Variants in GRIA4 observed in about 807,000 individuals in gnomAD.
GRIA4 encodes glutamate ionotropic receptor AMPA type subunit 4.
GRIA4 carries 34 observed loss-of-function variants against 104.0 expected under a neutral mutation model. The ratio of observed to expected loss-of-function variants is 0.33; its 90% confidence interval spans 0.25 to 0.44. GRIA4 has a LOEUF of 0.44. GRIA4 is among the 20% of genes least tolerant of loss of function. The pLI is 1.00. For synonymous variants in GRIA4, 386 were observed against 381.9 expected, an observed-to-expected ratio of 1.01 and a Z score of -0.13; for missense variants, 750 against 1,096.5, an observed-to-expected ratio of 0.68 and a Z score of 4.46.
chr11:105,669,407 T>C (rs1952288509), intron 3 of GRIA4, among the ~76,000 whole-genome samples: 1 of 152,058 alleles, frequency 6.6e-6, no homozygotes, highest in Non-Finnish European at 1.5e-5. Flanking sequence ...TATTATATCT[T>C]TTTGTTTAAA....
chr11:105,744,980 C>T (rs1939554976), intron 3 of GRIA4, among the ~76,000 whole-genome samples: 1 of 151,790 alleles, frequency 6.6e-6, no homozygotes, highest in Admixed American at 6.6e-5. Context: ...CAGTACATTT[C>T]AAAAAGGGAA....
chr11:105,685,949 G>A (rs1167899710), intron 3 of GRIA4, among the ~76,000 whole-genome samples: 2 of 151,768 alleles, frequency 1.3e-5, no homozygotes, highest in African/African-American at 2.4e-5. Flanking sequence ...AAAAGAATAA[G>A]GCAAGGATGC....
chr11:105,636,816 G>T (rs1379373289), intron 3 of GRIA4, among the ~76,000 whole-genome samples: 1 of 152,142 alleles, frequency 6.6e-6, no homozygotes, highest in Non-Finnish European at 1.5e-5. Flanking sequence ...AACCACAGAG[G>T]CAAAAATGCA....
At chr11:105,777,875 T>TA (rs2135760454) in intron 4 of GRIA4, among the ~76,000 whole-genome samples, 1 of 152,300 alleles carries the variant, frequency 6.6e-6, no homozygotes, top group African/African-American at 2.4e-5. Flanking sequence ...TCATAAATAG[T>TA]ATGTTCAAGA....
intron 3 of GRIA4, among the ~76,000 whole-genome samples, chr11:105,663,772 G>A (rs887696934): frequency 2.0e-5 from 3 of 151,844 alleles, no homozygotes; most frequent in Admixed American, 6.6e-5. Flanking sequence ...GGTCCATTTC[G>A]AAGATGACAC....
intron 2 of GRIA4, among the ~76,000 whole-genome samples, chr11:105,611,291 T>C (rs1950473633): frequency 6.6e-6 from 1 of 152,102 alleles, no homozygotes; most frequent in South Asian, 2.1e-4. Flanking sequence ...AGCCCACCCA[T>C]GCGTTCTCAG....
At chr11:105,866,549 GTGTATATATATATATATA>G (rs1225035412) in intron 5 of GRIA4, among the ~76,000 whole-genome samples, 13 of 78,244 alleles carry the variant, frequency 1.7e-4, no homozygotes, top group African/African-American at 3.6e-4. Flanking sequence ...GTGTGTGTGT[GTGTATATATATATATATA>G]TATATATATA....
chr11:105,774,328 T>C (rs190891974), intron 4 of GRIA4, among the ~76,000 whole-genome samples: 19 of 151,788 alleles, frequency 1.3e-4, no homozygotes, highest in Non-Finnish European at 1.8e-4. Context: ...AGATATAAAT[T>C]TATAGACTTA....
At chr11:105,659,645 C>T (rs1354396109) in intron 3 of GRIA4, among the ~76,000 whole-genome samples, 1 of 151,844 alleles carries the variant, frequency 6.6e-6, no homozygotes, top group Non-Finnish European at 1.5e-5. Context: ...TTTACTTGCA[C>T]CCAAAAGCTC....
At chr11:105,655,020 G>A (rs1158367050) in intron 3 of GRIA4, among the ~76,000 whole-genome samples, 2 of 152,090 alleles carry the variant, frequency 1.3e-5, no homozygotes, top group Non-Finnish European at 1.5e-5. Context: ...GTTTGAGCAT[G>A]GCAACCAGGA....
intron 3 of GRIA4, among the ~76,000 whole-genome samples, chr11:105,710,329 T>C (rs1199116534): frequency 6.6e-6 from 1 of 152,044 alleles, no homozygotes; most frequent in Non-Finnish European, 1.5e-5. Context: ...TAGTGATATG[T>C]AGGAAGCAGT....
chr11:105,788,907 T>C (rs1942092832), intron 4 of GRIA4, among the ~76,000 whole-genome samples: 1 of 152,166 alleles, frequency 6.6e-6, no homozygotes, highest in Admixed American at 6.5e-5. Context: ...AATATATTTA[T>C]ATGAAGACTA....
In GRIA4 at chr11:105,767,616, T is replaced by G. The variant is rs958986225; in HGVS notation, c.487+14396T>G. 1.5e-4 allele frequency among the ~76,000 whole-genome samples: 23 copies of G among 152,272 alleles called. No individual in the cohort carries two copies. In the South Asian group the frequency reaches 4.8e-3, roughly 32 times the overall value. The stretch of plus-strand genomic sequence containing the variant: ...ATGAAAAAGTTGCTTTTAAGTAATA[T>G]CTGAGGTTCTTCAAGAATTTATAAT... On this transcript the variant is annotated intron_variant, in intron 4 of 16. Transcript: ENST00000282499.
chr11:105,938,506 C>G (rs1300213243), intron 14 of GRIA4, among the ~76,000 whole-genome samples: 1 of 152,152 alleles, frequency 6.6e-6, no homozygotes, highest in East Asian at 1.9e-4. Context: ...TGGGTTGGTA[C>G]ACAAACACAT....
intron 12 of GRIA4, 68 bp downstream of exon 12, chr11:105,924,837 C>A: frequency 2.5e-6 from 3 of 1,184,870 alleles, no homozygotes; most frequent in East Asian, 2.4e-5. Context: ...CAGATTATCT[C>A]TCTACATGTT....
At chr11:105,676,910 A>T (rs1952555804) in intron 3 of GRIA4, among the ~76,000 whole-genome samples, 1 of 151,790 alleles carries the variant, frequency 6.6e-6, no homozygotes, top group African/African-American at 2.4e-5. Context: ...TTACCAATTT[A>T]TATCTTAGCA....
chr11:105,753,996 A>G (rs1349627613), intron 4 of GRIA4, among the ~76,000 whole-genome samples: 1 of 152,106 alleles, frequency 6.6e-6, no homozygotes. Flanking sequence ...TATGAAAGCT[A>G]CATTATGTAG....
chr11:105,950,955 A>G (rs899085314), intron 14 of GRIA4, among the ~76,000 whole-genome samples: 5 of 152,168 alleles, frequency 3.3e-5, no homozygotes, highest in Non-Finnish European at 5.9e-5. Flanking sequence ...CAGAAGGCAG[A>G]AGACCTGTGC....
intron 3 of GRIA4, chr11:105,613,896 G>T (rs983360801): frequency 5.1e-4 from 78 of 152,012 alleles, no homozygotes; most frequent in African/African-American, 1.9e-3. Context: ...TAAAGCAAAA[G>T]GGTGTTATTT....
Sources: gnomAD v4.1 joint callset for allele counts (sites outside exome capture counted in the v4.1 genomes callset) on GRCh38, gnomAD v4.1.1 for gene constraint, MANE v1.5 for transcripts, NCBI Gene and HGNC (gene_info 2026-07-23, HGNC 2026-07-21) for gene names.